The following FANCL variants were observed in gnomAD, a reference collection of about 807,000 sequenced individuals.
FANCL encodes the protein FA complementation group L.
In FANCL, 69 loss-of-function variants were observed where a neutral mutation model predicts 59.4. The ratio of observed to expected loss-of-function variants is 1.16; its 90% CI spans 0.96 to 1.42. FANCL has a LOEUF of 1.42. Among genes scored for constraint, FANCL ranks in the 40% most tolerant of loss-of-function variants. The pLI, the probability that FANCL is intolerant of heterozygous loss-of-function variation, is 0.00. For synonymous variants in FANCL, 180 were observed against 147.1 expected (o/e 1.22, Z -1.62); for missense variants, 519 against 447.2 (o/e 1.16, Z -1.45).
intron 5 of FANCL, 98 bp from the exon 6 acceptor site, chr2:58,204,324 C>T (rs1690360725): frequency 2.2e-6 from 2 of 906,242 alleles, no homozygotes; most frequent in Admixed American, 1.8e-5. Context: ...TTGCTATATT[C>T]CTATTAATCC....
In FANCL at chr2:58,163,128, A is replaced by G; in HGVS notation, c.776-54T>C. 6 of 1,455,096 alleles carry G rather than the reference A, an allele frequency of 4.1e-6. No homozygotes were observed. The South Asian group carries it at 4.7e-5, about 11-fold the overall frequency. 90.1% of individuals were successfully genotyped at this position (1,455,096 alleles called of 1,614,324 possible). Reference sequence around the variant, plus strand: ...ATTGCATGCTCTACTCTTGGTTTCTAAAGCCACATTTGATACAGAATGTTT... The same window carrying G: ...ATTGCATGCTCTACTCTTGGTTTCTGAAGCCACATTTGATACAGAATGTTT... On this transcript the variant is annotated intron_variant, in intron 9 of 13. Transcript: ENST00000233741.
intron 5 of FANCL, among the ~76,000 whole-genome samples, chr2:58,206,003 A>G (rs182664995): frequency 1.1e-4 from 17 of 152,290 alleles, no homozygotes; most frequent in Admixed American, 5.2e-4. Context: ...ACGCAATGCT[A>G]AAAGACTTAA....
At chr2:58,182,844 G>C (rs1232382299) in intron 7 of FANCL, among the ~76,000 whole-genome samples, 1 of 151,518 alleles carries the variant, frequency 6.6e-6, no homozygotes, top group East Asian at 1.9e-4. Flanking sequence ...AGATGCAATA[G>C]AGTATGCTGA....
At chr2:58,226,896 A>C in intron 3 of FANCL, 112 bp from the exon 4 acceptor site, 1 of 819,598 alleles carries the variant, frequency 1.2e-6, no homozygotes, top group Non-Finnish European at 2.0e-6. Context: ...AGCTATATCT[A>C]CATCTGAAAA....
intron 1 of FANCL, 59 bp from the exon 2 acceptor site, chr2:58,232,171 G>T: frequency 2.2e-6 from 3 of 1,350,674 alleles, no homozygotes; most frequent in Non-Finnish European, 3.2e-6. Context: ...ATGCTGAGAA[G>T]TTAAACAGAA....
rs1399179757 is a variant in FANCL, at chr2:58,226,747, A to G, written c.254T>C (p.Met85Thr). 1 of 1,613,290 alleles carries G rather than the reference A, an allele frequency of 6.2e-7. No homozygotes were observed. The highest frequency in any genetic ancestry group is 8.5e-7 in the Non-Finnish European group (1 of 1,179,624). Reference sequence around the variant, plus strand: ...TCTTACCAAAAGCATCTTCAACTCCATCATAAAGCTCATTAGATCAGGAGA... The same window carrying G: ...TCTTACCAAAAGCATCTTCAACTCCGTCATAAAGCTCATTAGATCAGGAGA... ...QHSPDLMSFM[M>T]ELKMLLEVAL... is the part of the protein sequence containing the mutation. Residue 85 changes from methionine (M) to threonine (T), a missense_variant, in exon 4 of 14, where the codon ATG (methionine) becomes ACG (threonine). Transcript: ENST00000233741.
intron 7 of FANCL, among the ~76,000 whole-genome samples, chr2:58,189,946 G>C (rs1441454518): frequency 6.6e-6 from 1 of 150,858 alleles, no homozygotes; most frequent in Non-Finnish European, 1.5e-5. Flanking sequence ...CTTTATCTTT[G>C]GGGGATTCCA....
At chr2:58,203,027 A>C (rs1573694335) in intron 6 of FANCL, among the ~76,000 whole-genome samples, 1 of 99,232 alleles carries the variant, frequency 1.0e-5, no homozygotes, top group Non-Finnish European at 1.8e-5. Context: ...AATTTCTCTT[A>C]AAAAAAAAAA....
chr2:58,238,162 T>C (rs529552762), intron 1 of FANCL, among the ~76,000 whole-genome samples: 88 of 152,318 alleles, frequency 5.8e-4, no homozygotes, highest in Non-Finnish European at 9.7e-4. Flanking sequence ...TGGGATTTTT[T>C]GTGATTTTTT....
intron 7 of FANCL, among the ~76,000 whole-genome samples, chr2:58,174,447 C>A (rs922045081): frequency 1.3e-5 from 2 of 152,136 alleles, no homozygotes; most frequent in African/African-American, 4.8e-5. Context: ...TCTCTCAGAC[C>A]ACAGTGCAAT....
chr2:58,217,179 T>G lies in FANCL; in HGVS notation c.374+4763A>C, dbSNP rs191453402. Among the ~76,000 whole-genome samples, 11 of 13,120 alleles carry G rather than the reference T, an allele frequency of 8.4e-4. 1 individual carries two copies. Among genetic ancestry groups the G allele is most frequent in the East Asian group, 5.6e-3 (2 of 356 alleles). 8.6% of individuals were successfully genotyped at this position (13,120 alleles called of 152,430 possible). A position where few individuals can be genotyped will look rare whatever the true frequency, so the allele number is the denominator to read the frequency against. The stretch of plus-strand genomic sequence containing the variant: ...TATTTATATATTTTATATATATATA[T>G]ATATATATATATATATATATATATA... On this transcript the variant is annotated intron_variant, in intron 5 of 13. Coordinates refer to ENST00000233741, the MANE Select transcript of FANCL (RefSeq NM_018062.4).
intron 6 of FANCL, among the ~76,000 whole-genome samples, chr2:58,200,725 G>A (rs1376709744): frequency 6.6e-6 from 1 of 151,698 alleles, no homozygotes; most frequent in African/African-American, 2.4e-5. Flanking sequence ...GTCCTGATAT[G>A]GAAAGAGATC....
intron 7 of FANCL, among the ~76,000 whole-genome samples, chr2:58,170,752 C>A (rs1399558446): frequency 6.7e-6 from 1 of 150,316 alleles, no homozygotes; most frequent in Non-Finnish European, 1.5e-5. Flanking sequence ...GACTTTAAAC[C>A]AACAAAGATC....
chr2:58,204,342 A>AAATT lies in FANCL; in HGVS notation c.375-117_375-116insAATT, dbSNP rs78792921. On this transcript the variant is annotated intron_variant, in intron 5 of 13. Transcript: ENST00000233741. ...CTATATTCCTATTAATCCATTATAAAAATCAGAGCAATTTCTGCATGCCAA... is the reference window on the plus strand; with the variant it reads ...CTATATTCCTATTAATCCATTATAAAAATTAATCAGAGCAATTTCTGCATGCCAA... The AAATT allele has an allele frequency of 0.04, 33,110 of 830,684 alleles. 1,002 individuals are homozygous for AAATT. Among genetic ancestry groups the AAATT allele is most frequent in the African/African-American group, 0.11 (6,347 of 60,172 alleles). The allele number at this position is 830,684 out of a possible 1,614,324, so 51.5% of individuals were successfully genotyped here.
chr2:58,160,879 C>T (rs955244791), intron 12 of FANCL, among the ~76,000 whole-genome samples: 2 of 151,868 alleles, frequency 1.3e-5, no homozygotes, highest in Admixed American at 6.6e-5. Context: ...AGACTGAAAC[C>T]GAAGGCAACA....
intron 7 of FANCL, among the ~76,000 whole-genome samples, chr2:58,180,965 G>A (rs1687883519): frequency 6.6e-6 from 1 of 152,068 alleles, no homozygotes; most frequent in African/African-American, 2.4e-5. Context: ...TATACTGTCA[G>A]TGCGCATGTA....
chr2:58,229,606 A>C (rs556864927), intron 3 of FANCL, among the ~76,000 whole-genome samples: 2 of 152,320 alleles, frequency 1.3e-5, no homozygotes, highest in East Asian at 3.9e-4. Context: ...CTAAAGTCTC[A>C]AAGATGGAAA....
At chr2:58,200,525 A>G (rs1347423608) in intron 6 of FANCL, among the ~76,000 whole-genome samples, 1 of 152,098 alleles carries the variant, frequency 6.6e-6, no homozygotes, top group Non-Finnish European at 1.5e-5. Context: ...ACAATGAACA[A>G]TATCAACTCT....
intron 5 of FANCL, among the ~76,000 whole-genome samples, chr2:58,211,166 T>G (rs765839703): frequency 7.2e-5 from 11 of 152,234 alleles, no homozygotes; most frequent in Non-Finnish European, 1.5e-4. Flanking sequence ...AACTTCTGCC[T>G]GGGCATCCAG....
Sources: gnomAD v4.1 joint callset for allele counts (sites outside exome capture counted in the v4.1 genomes callset) on GRCh38, gnomAD v4.1.1 for gene constraint, MANE v1.5 for transcripts, NCBI Gene and HGNC (gene_info 2026-07-23, HGNC 2026-07-21) for gene names.